The following FKBP1B variants were observed in gnomAD, a reference collection of about 807,000 sequenced individuals.
FKBP1B encodes FKBP prolyl isomerase 1B.
Under a neutral mutation model 13.5 loss-of-function variants are expected in FKBP1B, and 4 were observed. The ratio of observed to expected loss-of-function variants is 0.30; its 90% confidence interval spans 0.15 to 0.68. FKBP1B has a LOEUF of 0.68. Ranked by LOEUF, FKBP1B falls within the 30% of genes least tolerant of loss-of-function variation. The probability of loss-of-function intolerance (pLI) is 0.76; values close to 1 mark genes in which losing one functional copy is unlikely to be tolerated. For synonymous variants in FKBP1B, 54 were observed against 53.6 expected (o/e 1.01, Z -0.03); for missense variants, 93 against 136.2 (o/e 0.68, Z 1.58).
the FKBP1B span, among the ~76,000 whole-genome samples, chr2:24,042,042 T>A: frequency 6.6e-6 from 1 of 152,118 alleles, no homozygotes; most frequent in Non-Finnish European, 1.5e-5. Context: ...AGTGGATACA[T>A]AAATATATAA....
At chr2:24,038,325 C>T in the FKBP1B span, 2 of 1,614,160 alleles carry the variant, frequency 1.2e-6, no homozygotes, top group African/African-American at 1.3e-5. Flanking sequence ...AGAAACATAT[C>T]CCTTTTGGTC....
the FKBP1B span, chr2:24,037,732 G>A: frequency 6.2e-7 from 1 of 1,614,098 alleles, no homozygotes; most frequent in Non-Finnish European, 8.5e-7. Context: ...CACTGAAGAG[G>A]ATTTCTTCCC....
Position 24,063,473 on chromosome 2 carries a change from T to A in FKBP1B, c.*281T>A. The A allele has an allele frequency of 2.8e-6, 1 of 352,838 alleles. No homozygotes were observed. The allele number at this position is 352,838 out of a possible 1,614,324, so 21.9% of individuals were successfully genotyped here. A position where few individuals can be genotyped will look rare whatever the true frequency, so the allele number is the denominator to read the frequency against. On this transcript the variant is annotated 3_prime_UTR_variant, in exon 4 of 4. Coordinates refer to ENST00000380986, the MANE Select transcript of FKBP1B (RefSeq NM_004116.5). ...CTTTCCTGATGACAGAACACAGATC[T>A]CTTGTTCGCACAATCTACACTGCCT...
chr2:24,062,997 A>C, intron 3 of FKBP1B, 67 bp from the exon 4 acceptor site: 1 of 1,613,032 alleles, frequency 6.2e-7, no homozygotes, highest in Non-Finnish European at 8.5e-7. Flanking sequence ...ATAGTCATCT[A>C]ACTTTTTTCT....
chr2:24,049,781 TG>T lies in FKBP1B; in HGVS notation c.-65del. The stretch of plus-strand genomic sequence containing the variant: ...AGGCGAGCCGGAGCGACGGCGGGGC[TG>T]GGGCCGGAGCCGAGCCGGGGTCGGG... On this transcript the variant is annotated 5_prime_UTR_variant, in exon 1 of 4. Coordinates refer to ENST00000380986, the MANE Select transcript of FKBP1B (RefSeq NM_004116.5). 2.4e-6 allele frequency: 3 copies of T among 1,247,230 alleles called. No individual in the cohort carries two copies. The highest frequency in any genetic ancestry group is 2.4e-5 in the South Asian group (1 of 41,596). The allele number at this position is 1,247,230 out of a possible 1,614,324, so 77.3% of individuals were successfully genotyped here. A position where few individuals can be genotyped will look rare whatever the true frequency, so the allele number is the denominator to read the frequency against.
chr2:24,063,460 C>CTTTT lies in FKBP1B; in HGVS notation c.*268_*269insTTTT. The CTTTT allele has an allele frequency of 2.6e-6, 1 of 382,390 alleles. No individual in the cohort carries two copies. Among genetic ancestry groups the CTTTT allele is most frequent in the Non-Finnish European group, 4.7e-6 (1 of 214,542 alleles). The allele number at this position is 382,390 out of a possible 1,614,324, so 23.7% of individuals were successfully genotyped here. On this transcript the variant is annotated 3_prime_UTR_variant, in exon 4 of 4. Coordinates refer to ENST00000380986, the MANE Select transcript of FKBP1B (RefSeq NM_004116.5). ...TGCATGTAGTAGCCTTTCCTGATGA[C>CTTTT]AGAACACAGATCTCTTGTTCGCACA...
intron 2 of FKBP1B, among the ~76,000 whole-genome samples, chr2:24,060,121 TA>T (rs1441064330): frequency 2.3e-5 from 3 of 133,320 alleles, no homozygotes; most frequent in African/African-American, 9.3e-5. Context: ...GATTTGTGTT[TA>T]AAGAAAAAAA....
chr2:24,038,481 G>C, the FKBP1B span: 2 of 1,614,224 alleles, frequency 1.2e-6, no homozygotes, highest in Non-Finnish European at 1.7e-6. Flanking sequence ...GAACCAGAAT[G>C]CCTGGAATAG....
At chr2:24,055,345 G>C (rs1340145550) in intron 2 of FKBP1B, among the ~76,000 whole-genome samples, 1 of 152,024 alleles carries the variant, frequency 6.6e-6, no homozygotes, top group Non-Finnish European at 1.5e-5. Context: ...TGACTAGCTG[G>C]GACCACAGAC....
At position 24,063,268 on chromosome 2, in the gene FKBP1B, C is replaced by T. The variant is rs1664484212; in HGVS notation, c.*76C>T. ...AGCCTGCTCTGCCACTGGGACGGCTCCTGCTTTTGGGGCTCTTGATCAGTG... is the reference window on the plus strand; with the variant it reads ...AGCCTGCTCTGCCACTGGGACGGCTTCTGCTTTTGGGGCTCTTGATCAGTG... On this transcript the variant is annotated 3_prime_UTR_variant, in exon 4 of 4. Transcript: ENST00000380986. The T allele has an allele frequency of 2.8e-6, 4 of 1,413,450 alleles. No individual in the cohort carries two copies. Among genetic ancestry groups the T allele is most frequent in the Non-Finnish European group, 3.8e-6 (4 of 1,058,782 alleles). 87.6% of individuals were successfully genotyped at this position (1,413,450 alleles called of 1,614,324 possible).
intron 2 of FKBP1B, among the ~76,000 whole-genome samples, chr2:24,059,894 C>CAAAAAA (rs10679224): frequency 2.4e-4 from 12 of 49,794 alleles, no homozygotes; most frequent in African/African-American, 3.1e-4. Flanking sequence ...GACTCCGACT[C>CAAAAAA]AAAAAAAAAA....
At chr2:24,037,779 T>C in the FKBP1B span, 36 of 1,614,258 alleles carry the variant, frequency 2.2e-5, no homozygotes, top group Non-Finnish European at 2.5e-5. Context: ...AAAGACACCG[T>C]TGCATTTCAA....
chr2:24,039,827 C>T, the FKBP1B span, among the ~76,000 whole-genome samples: 1 of 151,806 alleles, frequency 6.6e-6, no homozygotes, highest in Non-Finnish European at 1.5e-5. Flanking sequence ...GACGGAGTCT[C>T]ACTCTTGTTG....
chr2:24,049,028 T>TCCTC (rs1663725920), upstream of FKBP1B, among the ~76,000 whole-genome samples: 1 of 151,992 alleles, frequency 6.6e-6, no homozygotes, highest in African/African-American at 2.4e-5. Flanking sequence ...ATTACTGGTG[T>TCCTC]CCTCCCTCCC....
At chr2:24,041,850 C>A in the FKBP1B span, among the ~76,000 whole-genome samples, 2 of 75,158 alleles carry the variant, frequency 2.7e-5, no homozygotes, top group East Asian at 4.3e-4. Flanking sequence ...AAAAGTGAAA[C>A]TCTGTCTCAA....
At chr2:24,043,331 G>T in the FKBP1B span, among the ~76,000 whole-genome samples, 1 of 151,990 alleles carries the variant, frequency 6.6e-6, no homozygotes, top group South Asian at 2.1e-4. Flanking sequence ...GTGAGACTCG[G>T]TCTCAAAAAC....
At chr2:24,041,653 GA>G in the FKBP1B span, among the ~76,000 whole-genome samples, 1 of 151,604 alleles carries the variant, frequency 6.6e-6, no homozygotes. Context: ...AGGAGTTCGA[GA>G]CCAGCCTGGC....
At chr2:24,054,086 A>G (rs1254089038) in intron 2 of FKBP1B, 137 bp downstream of exon 2, 1 of 794,294 alleles carries the variant, frequency 1.3e-6, no homozygotes, top group Non-Finnish European at 2.2e-6. Context: ...GTGACCAGCC[A>G]TCCTCTACTC....
At chr2:24,034,416 T>C in the FKBP1B span, among the ~76,000 whole-genome samples, 3 of 152,120 alleles carry the variant, frequency 2.0e-5, no homozygotes, top group Middle Eastern at 3.2e-3. Flanking sequence ...CAAAGCTCTA[T>C]CTAAAAATAA....
Sources: gnomAD v4.1 joint callset for allele counts (sites outside exome capture counted in the v4.1 genomes callset) on GRCh38, gnomAD v4.1.1 for gene constraint, MANE v1.5 for transcripts, NCBI Gene and HGNC (gene_info 2026-07-23, HGNC 2026-07-21) for gene names.